Variants in ST3GAL6 observed in about 807,000 individuals in gnomAD.
ST3GAL6 encodes type 2 lactosamine alpha-2,3-sialyltransferase.
A neutral mutation model predicts 40.5 loss-of-function variants in ST3GAL6; 31 were observed. The observed-to-expected ratio is 0.77, with a 90% CI of 0.58 to 1.03. The LOEUF (loss-of-function observed/expected upper bound fraction) is 1.03. ST3GAL6 is among the 50% of genes least tolerant of loss of function. The pLI is 0.00. For synonymous variants in ST3GAL6, 129 were observed against 136.9 expected (o/e 0.94, Z 0.40); for missense variants, 357 against 393.2 (o/e 0.91, Z 0.78).
At chr3:98,791,072 T>C (rs1266952478) in intron 8 of ST3GAL6, among the ~76,000 whole-genome samples, 1 of 152,210 alleles carries the variant, frequency 6.6e-6, no homozygotes, top group African/African-American at 2.4e-5. Context: ...GAAAGTGTTA[T>C]GTAAAAAGCT....
At chr3:98,743,222 G>A (rs144768030) in intron 1 of ST3GAL6, among the ~76,000 whole-genome samples, 2 of 151,436 alleles carry the variant, frequency 1.3e-5, no homozygotes, top group African/African-American at 4.8e-5. Context: ...GTTTCACCAT[G>A]TTGCCCAGGC....
chr3:98,735,293 C>A (rs1935439040), intron 1 of ST3GAL6, among the ~76,000 whole-genome samples: 1 of 152,198 alleles, frequency 6.6e-6, no homozygotes, highest in Admixed American at 6.5e-5. Context: ...TGCACAAATT[C>A]TTCCATTTCC....
chr3:98,785,197 C>G (rs1306276916), intron 6 of ST3GAL6, among the ~76,000 whole-genome samples, 157 bp downstream of exon 6: 1 of 151,780 alleles, frequency 6.6e-6, no homozygotes, highest in Non-Finnish European at 1.5e-5. Context: ...AGAGTTAGAC[C>G]TAGATTTCAG....
In ST3GAL6 at chr3:98,785,001, C is replaced by G. The variant is rs777503381; in HGVS notation, c.392C>G (p.Thr131Arg). Residue 131 changes from threonine (T) to arginine (R), a missense_variant, in exon 6 of 10, where the codon ACA becomes AGA. By Grantham distance (71) the Thr-to-Arg change is moderately conservative. Coordinates refer to ENST00000483910, the MANE Select transcript of ST3GAL6 (RefSeq NM_001323368.2). ...AATGGAGGAGTTTTGAAGAATAAGA[C>G]ATTAGGAGAAAAAATCGACTCCTAT... ...VGNGGVLKNK[T>R]LGEKIDSYDV... 6.6e-7 allele frequency: 1 copy of G among 1,511,040 alleles called. No homozygotes were observed. The allele number at this position is 1,511,040 out of a possible 1,614,324, so 93.6% of individuals were successfully genotyped here. A position where few individuals can be genotyped will look rare whatever the true frequency, so the allele number is the denominator to read the frequency against.
chr3:98,747,068 A>C (rs1936615871), intron 1 of ST3GAL6, among the ~76,000 whole-genome samples: 1 of 152,188 alleles, frequency 6.6e-6, no homozygotes, highest in South Asian at 2.1e-4. Context: ...CTTGATTCTA[A>C]AAACAATGTG....
chr3:98,756,407 G>A, intron 1 of ST3GAL6: 1 of 1,289,726 alleles, frequency 7.8e-7, no homozygotes, highest in East Asian at 5.6e-5. Flanking sequence ...CTGGGTTTTA[G>A]ATAATTTCTA....
At chr3:98,738,997 C>T (rs556160213) in intron 1 of ST3GAL6, among the ~76,000 whole-genome samples, 1 of 152,216 alleles carries the variant, frequency 6.6e-6, no homozygotes, top group Non-Finnish European at 1.5e-5. Flanking sequence ...ATCATACCAA[C>T]CACACTCTTA....
At chr3:98,740,266 G>T (rs1186442806) in intron 1 of ST3GAL6, among the ~76,000 whole-genome samples, 4 of 140,654 alleles carry the variant, frequency 2.8e-5, no homozygotes, top group Non-Finnish European at 4.6e-5. Context: ...GATGTGTATG[G>T]TTCTTCTGCT....
At position 98,773,926 on chromosome 3, in the gene ST3GAL6, A is replaced by G; in HGVS notation, c.278A>G (p.Tyr93Cys). ...LPYGMRTSAE[Y>C]FRLALSKLQS... ...CACTCCATTTGTTTTCTAGCGGAAT[A>G]TTTTCGACTTGCTCTTTCAAAACTG... The change falls in exon 5 of 10, where the codon TAT becomes TGT. Residue 93 changes from tyrosine (Y) to cysteine (C), a missense_variant. By Grantham distance (194) the Tyr-to-Cys change is radical. Coordinates refer to ENST00000483910, the MANE Select transcript of ST3GAL6 (RefSeq NM_001323368.2). 6.2e-7 allele frequency: 1 copy of G among 1,613,030 alleles called. No individual in the cohort carries two copies. Among genetic ancestry groups the G allele is most frequent in the Non-Finnish European group, 8.5e-7 (1 of 1,179,180 alleles).
chr3:98,737,194 A>G (rs1935622695), intron 1 of ST3GAL6, among the ~76,000 whole-genome samples: 1 of 152,094 alleles, frequency 6.6e-6, no homozygotes, highest in East Asian at 1.9e-4. Flanking sequence ...GATTACAGGC[A>G]TGCACCACCA....
At chr3:98,775,474 CA>C (rs34588217) in intron 5 of ST3GAL6, among the ~76,000 whole-genome samples, 111 of 124,990 alleles carry the variant, frequency 8.9e-4, no homozygotes, top group Non-Finnish European at 7.7e-4. Context: ...GACTTCGTCT[CA>C]AAAAAAAAAA....
Position 98,793,794 on chromosome 3 carries a change from TTA to T in ST3GAL6, c.*34_*35del. On this transcript the variant is annotated 3_prime_UTR_variant, in exon 10 of 10. Transcript: ENST00000483910. Reference sequence around the variant, plus strand: ...GACTCAGAAGATGATGCTAACAGTGTTAGTTTTATTTTTGTACTGCAATTTTT... The same window carrying T: ...GACTCAGAAGATGATGCTAACAGTGTGTTTTATTTTTGTACTGCAATTTTT... 1 of 1,399,964 alleles carries T rather than the reference TTA, an allele frequency of 7.1e-7. No individual in the cohort carries two copies. Among genetic ancestry groups the T allele is most frequent in the Non-Finnish European group, 9.8e-7 (1 of 1,019,514 alleles). 86.7% of individuals were successfully genotyped at this position (1,399,964 alleles called of 1,614,324 possible). A position where few individuals can be genotyped will look rare whatever the true frequency, so the allele number is the denominator to read the frequency against.
chr3:98,764,640 T>C (rs535273839), intron 1 of ST3GAL6, among the ~76,000 whole-genome samples: 1 of 152,310 alleles, frequency 6.6e-6, no homozygotes, highest in African/African-American at 2.4e-5. Flanking sequence ...TGTGGCCTGA[T>C]AGAGACAGAT....
Position 98,794,981 on chromosome 3 carries a change from A to ATCT in ST3GAL6, c.*1223_*1225dup, listed in dbSNP as rs1366363338. The ATCT allele has an allele frequency of 1.3e-5, 2 of 152,176 alleles. No homozygotes were observed. Among genetic ancestry groups the ATCT allele is most frequent in the East Asian group, 1.9e-4 (1 of 5,200 alleles). 9.4% of individuals were successfully genotyped at this position (152,176 alleles called of 1,614,324 possible). A position where few individuals can be genotyped will look rare whatever the true frequency, so the allele number is the denominator to read the frequency against. ...TCTCATTTTCCCATGATTAAAGCTA[A>ATCT]TCTTCAGATGGAAAGCTTGCCTGGC... is the stretch of plus-strand genomic sequence containing the variant. On this transcript the variant is annotated 3_prime_UTR_variant, in exon 10 of 10. Transcript: ENST00000483910.
rs1434935133 is a variant in ST3GAL6, at chr3:98,788,133, C to T, written c.529C>T (p.His177Tyr). ...AGAATCTGTTTTTTCAGATCCTATT[C>T]ACAATGACCCTAATACGACAGTGAT... The part of the protein sequence containing the change: ...YPESVFSDPI[H>Y]NDPNTTVILT... The change falls in exon 7 of 10, where the codon CAC becomes TAC. Residue 177 changes from histidine (H) to tyrosine (Y), a missense_variant. His to Tyr is a moderately conservative substitution (Grantham distance 83). Transcript: ENST00000483910. The T allele has an allele frequency of 6.2e-7, 1 of 1,614,032 alleles. No individual in the cohort carries two copies. The highest frequency in any genetic ancestry group is 1.3e-5 in the African/African-American group (1 of 75,046).
chr3:98,779,735 A>T (rs529518428), intron 5 of ST3GAL6, among the ~76,000 whole-genome samples: 2 of 152,322 alleles, frequency 1.3e-5, no homozygotes, highest in African/African-American at 4.8e-5. Context: ...TTCCAAAACA[A>T]TTATTTTGTT....
intron 1 of ST3GAL6, among the ~76,000 whole-genome samples, chr3:98,749,514 G>T (rs967957683): frequency 1.3e-5 from 2 of 152,112 alleles, no homozygotes; most frequent in Non-Finnish European, 2.9e-5. Flanking sequence ...TAGCAGAAAA[G>T]GTAAGGGAAA....
chr3:98,746,836 T>TC (rs1274661321), intron 1 of ST3GAL6, among the ~76,000 whole-genome samples: 2 of 152,208 alleles, frequency 1.3e-5, no homozygotes, highest in Non-Finnish European at 2.9e-5. Flanking sequence ...ATTTGAGTCT[T>TC]CACATATTTG....
intron 1 of ST3GAL6, among the ~76,000 whole-genome samples, chr3:98,766,810 T>C (rs919175095): frequency 2.0e-5 from 3 of 152,170 alleles, no homozygotes; most frequent in Non-Finnish European, 4.4e-5. Flanking sequence ...GTAAACTGCC[T>C]TCCAGGACCA....
Sources: allele counts gnomAD v4.1 joint callset (sites outside exome capture counted in the v4.1 genomes callset), GRCh38; gene constraint gnomAD v4.1.1; transcripts MANE v1.5; gene names NCBI Gene and HGNC (gene_info 2026-07-23, HGNC 2026-07-21).